Variants in PCSK5 observed in about 807,000 individuals in gnomAD.
The protein encoded by PCSK5 is proprotein convertase subtilisin/kexin type 5, also known as prohormone convertase 5.
PCSK5 carries 129 observed loss-of-function variants against 233.2 expected under a neutral mutation model. The ratio of observed to expected loss-of-function variants is 0.55; its 90% CI spans 0.48 to 0.64. The LOEUF is 0.64. Ranked by LOEUF, PCSK5 falls within the 30% of genes least tolerant of loss-of-function variation. The pLI, the probability that PCSK5 is intolerant of heterozygous loss-of-function variation, is 0.00. For missense variants in PCSK5, 2,076 were observed against 2,430.1 expected (o/e 0.85, Z 3.06); for synonymous variants, 825 against 879.2 (o/e 0.94, Z 1.09).
chr9:76,129,308 G>C (rs1178913062), intron 9 of PCSK5, among the ~76,000 whole-genome samples: 1 of 152,122 alleles, frequency 6.6e-6, no homozygotes, highest in East Asian at 1.9e-4. Flanking sequence ...TCTTGAATTG[G>C]TTTTGAACGT....
intron 13 of PCSK5, among the ~76,000 whole-genome samples, chr9:76,173,495 CCT>C (rs1823417052): frequency 5.8e-5 from 2 of 34,604 alleles, no homozygotes; most frequent in East Asian, 8.8e-4. Flanking sequence ...AGGCACGTTT[CCT>C]TTTTTTTTTT....
intron 32 of PCSK5, among the ~76,000 whole-genome samples, chr9:76,325,144 G>A (rs1417459636): frequency 1.3e-5 from 2 of 152,130 alleles, no homozygotes; most frequent in African/African-American, 4.8e-5. Context: ...GCATGCAGAA[G>A]AGGCGGGTGT....
chr9:75,937,051 C>A (rs1469319427), intron 2 of PCSK5, among the ~76,000 whole-genome samples: 5 of 151,966 alleles, frequency 3.3e-5, no homozygotes, highest in Admixed American at 6.6e-5. Flanking sequence ...TGAAAGGAAC[C>A]TTTTTTTAGT....
intron 24 of PCSK5, among the ~76,000 whole-genome samples, chr9:76,262,140 T>C (rs1827195000): frequency 2.0e-5 from 3 of 152,176 alleles, no homozygotes; most frequent in Non-Finnish European, 4.4e-5. Context: ...TTGGCTGTGA[T>C]GGAAGAACAT....
At chr9:76,076,905 GTAATAA>G (rs909852414) in intron 7 of PCSK5, among the ~76,000 whole-genome samples, 3 of 152,020 alleles carry the variant, frequency 2.0e-5, no homozygotes, top group East Asian at 1.9e-4. Context: ...ACAATTAATA[GTAATAA>G]TAATAATAGC....
chr9:75,898,219 A>G (rs553960123), intron 1 of PCSK5, among the ~76,000 whole-genome samples: 2 of 152,304 alleles, frequency 1.3e-5, no homozygotes, highest in African/African-American at 4.8e-5. Context: ...ATACTCAAGT[A>G]TGTGCCTCAT....
In PCSK5 at chr9:76,033,801, A is replaced by G. The variant is rs1828743790; in HGVS notation, c.632+6764A>G. Among the ~76,000 whole-genome samples the G allele has an allele frequency of 2.6e-5, 4 of 152,056 alleles. No homozygotes were observed. The South Asian group carries it at 8.3e-4, about 31-fold the overall frequency. On this transcript the variant is annotated intron_variant, in intron 5 of 37. Transcript: ENST00000674117. ...CCTCACATGGTAGAAGGGACAAACA[A>G]GCCCCTCAGGCCTCTTTAAAAGGGC... is the stretch of plus-strand genomic sequence containing the variant.
rs768920911 is a variant in PCSK5 at position 76,338,256 on chromosome 9, G to C, written c.4775G>C (p.Arg1592Pro). ...TATTACGCAGACAACTCCACTGGCC[G>C]GTGTGAGAGGTGCAACAGGAGCTGC... ...EGYYADNSTGRCERCNRSCKG... is the reference protein window; with the variant it reads ...EGYYADNSTGPCERCNRSCKG... The change falls in exon 35 of 38, where the codon CGG (arginine) becomes CCG (proline). Residue 1592 changes from arginine (R) to proline (P), a missense_variant. Arg to Pro is a moderately radical substitution (Grantham distance 103). Around this residue, in one of 6 missense-constraint regions of PCSK5, gnomAD observed 1,510 missense variants for 1,538.1 expected, o/e 0.98. Coordinates refer to ENST00000674117, the MANE Select transcript of PCSK5 (RefSeq NM_001372043.1). 2.5e-6 allele frequency: 4 copies of C among 1,612,132 alleles called. No homozygotes were observed. Among genetic ancestry groups the C allele is most frequent in the Non-Finnish European group, 3.4e-6 (4 of 1,179,502 alleles).
rs369745061 is a variant in PCSK5 at position 76,343,220 on chromosome 9, G to A, written c.4966+4773G>A. ...CGCTGTGTCACCTAGGCTGGCATGC[G>A]GTGGCATGATCTTGGCTCACTACAA... On this transcript the variant is annotated intron_variant, in intron 35 of 37. Transcript: ENST00000674117. Among the ~76,000 whole-genome samples, 20 of 150,382 alleles carry A rather than the reference G, an allele frequency of 1.3e-4. No homozygotes were observed. In the East Asian group the frequency reaches 2.4e-3, roughly 18 times the overall value.
chr9:76,307,340 A>C (rs1828733601), intron 28 of PCSK5, among the ~76,000 whole-genome samples: 1 of 152,176 alleles, frequency 6.6e-6, no homozygotes, highest in Non-Finnish European at 1.5e-5. Context: ...GTAATAAGGA[A>C]AATGGTAAGA....
chr9:75,928,072 G>A (rs1204735767), intron 1 of PCSK5, among the ~76,000 whole-genome samples: 2 of 152,206 alleles, frequency 1.3e-5, no homozygotes, highest in Non-Finnish European at 2.9e-5. Flanking sequence ...AGGAACAAGA[G>A]ATGACATTCA....
intron 2 of PCSK5, among the ~76,000 whole-genome samples, chr9:75,943,586 T>C (rs1824418720): frequency 6.6e-6 from 1 of 152,144 alleles, no homozygotes; most frequent in Admixed American, 6.5e-5. Context: ...AATCAGTTCT[T>C]ACAATACAAA....
intron 1 of PCSK5, among the ~76,000 whole-genome samples, chr9:75,894,235 A>G (rs901450663): frequency 3.9e-5 from 6 of 152,150 alleles, no homozygotes; most frequent in Non-Finnish European, 8.8e-5. Flanking sequence ...TAAGGTAGTA[A>G]ATTTTCACCA....
chr9:76,356,946 G>A (rs1830317113), intron 37 of PCSK5, among the ~76,000 whole-genome samples: 1 of 152,198 alleles, frequency 6.6e-6, no homozygotes, highest in Non-Finnish European at 1.5e-5. Context: ...AACCTACCGT[G>A]TAACTCAGCT....
chr9:76,071,459 CTG>C (rs1490444187), intron 6 of PCSK5, among the ~76,000 whole-genome samples: 1 of 152,072 alleles, frequency 6.6e-6, no homozygotes, highest in Non-Finnish European at 1.5e-5. Context: ...AAGGGAGAGA[CTG>C]TGGCAGCTGT....
chr9:75,962,042 A>G (rs980904987), intron 2 of PCSK5, among the ~76,000 whole-genome samples: 1 of 152,160 alleles, frequency 6.6e-6, no homozygotes, highest in Non-Finnish European at 1.5e-5. Flanking sequence ...TATGGAAAAT[A>G]AACAGATAAA....
intron 2 of PCSK5, among the ~76,000 whole-genome samples, chr9:75,980,001 G>A (rs1826206841): frequency 6.6e-6 from 1 of 152,138 alleles, no homozygotes; most frequent in Middle Eastern, 3.2e-3. Context: ...GGGTCTTGAG[G>A]GTGGAAAGCA....
At position 76,169,737 on chromosome 9, in the gene PCSK5, C is replaced by T. The variant is rs148331502; in HGVS notation, c.1653C>T (p.Asn551=). The T allele has an allele frequency of 1.5e-4, 248 of 1,613,530 alleles. No homozygotes were observed. Among genetic ancestry groups the T allele is most frequent in the South Asian group, 7.0e-4 (64 of 91,064 alleles). The change falls in exon 13 of 38, where the codon AAC becomes AAT. Residue 551 remains asparagine (N), a synonymous_variant. Coordinates refer to ENST00000674117, the MANE Select transcript of PCSK5 (RefSeq NM_001372043.1). The part of the protein sequence containing the change: ...LFDHSMEGFK[N]WEFMTIHCWG... ...ATCACTCCATGGAAGGATTCAAAAA[C>T]TGGGAGTTCATGACCATTCATTGCT...
chr9:76,329,111 G>A (rs530970478), intron 33 of PCSK5, among the ~76,000 whole-genome samples: 11 of 151,214 alleles, frequency 7.3e-5, no homozygotes, highest in African/African-American at 2.2e-4. Flanking sequence ...GAGCCACTGC[G>A]CCCGGCCACT....
Sources: gnomAD v4.1 joint callset for allele counts (sites outside exome capture counted in the v4.1 genomes callset) on GRCh38, gnomAD v4.1.1 for gene constraint, gnomAD v4.1.1 regional missense constraint, MANE v1.5 for transcripts, NCBI Gene and HGNC (gene_info 2026-07-23, HGNC 2026-07-21) for gene names.